WWOX: variants seen among roughly 807,000 people sequenced by gnomAD.
WWOX encodes WW domain-containing oxidoreductase.
WWOX carries 69 observed loss-of-function variants against 46.2 expected under a neutral mutation model. The ratio of observed to expected loss-of-function variants is 1.49; its 90% CI spans 1.23 to 1.82. The LOEUF is 1.82. WWOX is among the 40% of genes most tolerant of loss of function. The pLI, the probability that WWOX is intolerant of heterozygous loss-of-function variation, is 0.00. For synonymous variants in WWOX, 359 were observed against 202.6 expected, an observed-to-expected ratio of 1.77 and a Z score of -6.56; for missense variants, 919 against 542.6, an observed-to-expected ratio of 1.69 and a Z score of -6.89.
chr16:78,540,259 T>C (rs1567631262), intron 8 of WWOX, among the ~76,000 whole-genome samples: 1 of 151,744 alleles, frequency 6.6e-6, no homozygotes, highest in East Asian at 1.9e-4. Context: ...AAAAATGGAA[T>C]CAAGAACCCA....
rs565714748 is a variant in WWOX at position 78,456,791 on chromosome 16, G to C, written c.1056+24039G>C. On this transcript the variant is annotated intron_variant, in intron 8 of 8. Coordinates refer to ENST00000566780, the MANE Select transcript of WWOX (RefSeq NM_016373.4). ...ATCATGCCCATTCATTATTTAAAGTGCTGTGGCTTTTTAGTGAATACCAAC... is the reference window on the plus strand; with the variant it reads ...ATCATGCCCATTCATTATTTAAAGTCCTGTGGCTTTTTAGTGAATACCAAC... Among the ~76,000 whole-genome samples, 62 of 152,292 alleles carry C rather than the reference G, an allele frequency of 4.1e-4. 1 individual carries two copies. In the South Asian group the frequency reaches 6.4e-3, roughly 16 times the overall value.
At chr16:78,972,372 C>G (rs961442873) in intron 8 of WWOX, among the ~76,000 whole-genome samples, 8 of 151,230 alleles carry the variant, frequency 5.3e-5, no homozygotes, top group Non-Finnish European at 1.0e-4. Flanking sequence ...CCGTGTATTT[C>G]AAAGCAGGAT....
chr16:78,806,965 C>A (rs150665949), intron 8 of WWOX, among the ~76,000 whole-genome samples: 5 of 152,188 alleles, frequency 3.3e-5, no homozygotes, highest in African/African-American at 1.2e-4. Context: ...TCTTACTAGC[C>A]ACATGACTGG....
chr16:78,503,376 A>G (rs986011120), intron 8 of WWOX, among the ~76,000 whole-genome samples: 5 of 152,154 alleles, frequency 3.3e-5, no homozygotes, highest in East Asian at 3.9e-4. Flanking sequence ...CAGATAATAC[A>G]TATGCTGAAA....
chr16:78,193,147 T>A (rs1269843576), intron 5 of WWOX, among the ~76,000 whole-genome samples: 2 of 152,236 alleles, frequency 1.3e-5, no homozygotes, highest in Admixed American at 1.3e-4. Context: ...TTGTACCTCA[T>A]GTGTGCGTCA....
chr16:78,393,248 AT>A (rs2082214042), intron 6 of WWOX, among the ~76,000 whole-genome samples: 1 of 152,046 alleles, frequency 6.6e-6, no homozygotes, highest in Non-Finnish European at 1.5e-5. Flanking sequence ...GGCTTTGCAC[AT>A]TTTCCTTCCT....
chr16:78,399,393 C>T (rs1007447946), intron 6 of WWOX, among the ~76,000 whole-genome samples: 3 of 152,286 alleles, frequency 2.0e-5, no homozygotes, highest in South Asian at 4.1e-4. Flanking sequence ...ATTTTAGGCA[C>T]ATAACCCAAA....
At chr16:78,954,841 G>A (rs2046132482) in intron 8 of WWOX, among the ~76,000 whole-genome samples, 1 of 152,116 alleles carries the variant, frequency 6.6e-6, no homozygotes, top group African/African-American at 2.4e-5. Flanking sequence ...TCAGGCTGGA[G>A]TGCGGTGGCA....
rs148703165 is a variant in WWOX, at chr16:78,400,353, A to C, written c.605+13405A>C. Among the ~76,000 whole-genome samples the C allele has an allele frequency of 4.6e-3, 694 of 152,232 alleles. 6 individuals are homozygous for C. The highest frequency in any genetic ancestry group is 0.016 in the African/African-American group (662 of 41,564). On this transcript the variant is annotated intron_variant, in intron 6 of 8. Coordinates refer to ENST00000566780, the MANE Select transcript of WWOX (RefSeq NM_016373.4). ...TAGAAAAGCAGTGCCTCGATTTCCC[A>C]CCTCAGATCTGAAAACTCCTGAGAG...
At chr16:78,146,900 C>T (rs1336639725) in intron 4 of WWOX, among the ~76,000 whole-genome samples, 2 of 152,198 alleles carry the variant, frequency 1.3e-5, no homozygotes, top group Non-Finnish European at 2.9e-5. Flanking sequence ...GCTAGCATTG[C>T]CCGTGCCTTC....
At chr16:78,963,116 C>A (rs772918944) in intron 8 of WWOX, among the ~76,000 whole-genome samples, 1 of 152,152 alleles carries the variant, frequency 6.6e-6, no homozygotes, top group African/African-American at 2.4e-5. Flanking sequence ...CCTCTATTTG[C>A]ATCTCTATCC....
At chr16:78,220,676 C>G (rs937574829) in intron 5 of WWOX, among the ~76,000 whole-genome samples, 28 of 152,034 alleles carry the variant, frequency 1.8e-4, no homozygotes, top group Non-Finnish European at 3.4e-4. Context: ...GACAAGTGAA[C>G]CATTTACTTT....
intron 8 of WWOX, among the ~76,000 whole-genome samples, chr16:79,023,494 C>T (rs565382389): frequency 2.8e-4 from 42 of 152,296 alleles, no homozygotes; most frequent in African/African-American, 9.9e-4. Flanking sequence ...AGGCTGATTA[C>T]TGGCCAGGAG....
chr16:78,133,378 A>G (rs754372880), intron 4 of WWOX, among the ~76,000 whole-genome samples: 7 of 152,150 alleles, frequency 4.6e-5, no homozygotes, highest in African/African-American at 7.2e-5. Flanking sequence ...CTCCTGCTTC[A>G]GCTTCCCAAC....
intron 8 of WWOX, among the ~76,000 whole-genome samples, chr16:78,683,867 C>T (rs1326424474): frequency 1.3e-5 from 2 of 152,120 alleles, no homozygotes; most frequent in East Asian, 1.9e-4. Context: ...TCACAAGGAA[C>T]AGAGTTTTAC....
At chr16:78,966,284 A>G (rs1237017147) in intron 8 of WWOX, among the ~76,000 whole-genome samples, 1 of 152,202 alleles carries the variant, frequency 6.6e-6, no homozygotes, top group Non-Finnish European at 1.5e-5. Flanking sequence ...GAAACAAATC[A>G]TTTCCTGATA....
chr16:78,781,968 G>A (rs2050337755), intron 8 of WWOX, among the ~76,000 whole-genome samples: 1 of 152,118 alleles, frequency 6.6e-6, no homozygotes, highest in Non-Finnish European at 1.5e-5. Context: ...CAAGTAAGCT[G>A]AGGCAGAGGA....
chr16:78,331,888 A>G (rs2080765677), intron 5 of WWOX, among the ~76,000 whole-genome samples: 1 of 152,190 alleles, frequency 6.6e-6, no homozygotes, highest in Non-Finnish European at 1.5e-5. Context: ...ACAGACACAG[A>G]AACTAAGATT....
chr16:78,256,846 T>C (rs1202295079), intron 5 of WWOX, among the ~76,000 whole-genome samples: 1 of 152,062 alleles, frequency 6.6e-6, no homozygotes, highest in Non-Finnish European at 1.5e-5. Context: ...GAAGTCTCTA[T>C]CATTTCGTAG....
Sources: gnomAD v4.1 joint callset for allele counts (sites outside exome capture counted in the v4.1 genomes callset) on GRCh38, gnomAD v4.1.1 for gene constraint, MANE v1.5 for transcripts, NCBI Gene and HGNC (gene_info 2026-07-23, HGNC 2026-07-21) for gene names.